ITPR1: variants seen among roughly 807,000 people sequenced by gnomAD.
ITPR1 encodes the protein inositol 1,4,5-trisphosphate receptor type 1, also known as inositol 1,4,5-trisphosphate-gated calcium channel ITPR1.
ITPR1 carries 96 observed loss-of-function variants against 318.4 expected under a neutral mutation model. The ratio of observed to expected loss-of-function variants is 0.30; its 90% confidence interval spans 0.26 to 0.36. The LOEUF (loss-of-function observed/expected upper bound fraction) is 0.36. Among genes scored for constraint, ITPR1 ranks in the 10% least tolerant of loss-of-function variants. The probability of loss-of-function intolerance (pLI) is 1.00; values close to 1 mark genes in which losing one functional copy is unlikely to be tolerated. For synonymous variants in ITPR1, 1,312 were observed against 1,289.9 expected (o/e 1.02, Z -0.37); for missense variants, 2,440 against 3,460.2 (o/e 0.71, Z 7.40).
At chr3:4,741,669 T>C (rs1247398570) in intron 44 of ITPR1, among the ~76,000 whole-genome samples, 1 of 152,134 alleles carries the variant, frequency 6.6e-6, no homozygotes, top group Non-Finnish European at 1.5e-5. Context: ...TTGGGCTATC[T>C]CTGACCCCAG....
intron 2 of ITPR1, among the ~76,000 whole-genome samples, chr3:4,510,544 G>A (rs967142153): frequency 1.3e-5 from 2 of 152,088 alleles, no homozygotes; most frequent in South Asian, 4.1e-4. Flanking sequence ...AATTGATGCT[G>A]GATTAGACTT....
chr3:4,798,151 C>A (rs922980245), intron 53 of ITPR1, among the ~76,000 whole-genome samples: 2 of 152,162 alleles, frequency 1.3e-5, no homozygotes, highest in African/African-American at 4.8e-5. Context: ...TGGCATTAAG[C>A]ATTTCAGAAA....
chr3:4,674,179 C>A, intron 21 of ITPR1, 23 bp from the exon 22 acceptor site: 1 of 1,526,934 alleles, frequency 6.5e-7, no homozygotes, highest in Non-Finnish European at 8.8e-7. Context: ...ATTTTGTTTC[C>A]TTTCTTTCTC....
intron 61 of ITPR1, among the ~76,000 whole-genome samples, chr3:4,838,027 G>T (rs1201864333): frequency 6.6e-6 from 1 of 152,142 alleles, no homozygotes; most frequent in Non-Finnish European, 1.5e-5. Context: ...AACTAATGAA[G>T]ACCGCATCTA....
chr3:4,692,849 A>T (rs1304463732), intron 32 of ITPR1, among the ~76,000 whole-genome samples: 1 of 152,208 alleles, frequency 6.6e-6, no homozygotes, highest in Non-Finnish European at 1.5e-5. Context: ...GGCAGGGCAC[A>T]TTGGCTCACA....
intron 4 of ITPR1, among the ~76,000 whole-genome samples, chr3:4,550,582 A>G (rs1224397599): frequency 2.6e-5 from 4 of 152,242 alleles, no homozygotes; most frequent in African/African-American, 7.2e-5. Context: ...GATTTCGTTC[A>G]TGGGACAAAT....
chr3:4,621,801 C>T (rs1397904700), intron 4 of ITPR1, among the ~76,000 whole-genome samples: 3 of 152,190 alleles, frequency 2.0e-5, no homozygotes, highest in Non-Finnish European at 2.9e-5. Flanking sequence ...GTGCTGTTCC[C>T]TCTGCCTGAG....
intron 4 of ITPR1, among the ~76,000 whole-genome samples, chr3:4,625,811 C>T (rs1033516547): frequency 6.6e-6 from 1 of 152,204 alleles, no homozygotes; most frequent in African/African-American, 2.4e-5. Flanking sequence ...CCTGCCTTGG[C>T]CTCCCAAAGT....
At chr3:4,793,400 T>A (rs2047696126) in intron 52 of ITPR1, among the ~76,000 whole-genome samples, 1 of 152,218 alleles carries the variant, frequency 6.6e-6, no homozygotes. Context: ...ATACACACAC[T>A]AGTGTGGAGA....
At chr3:4,784,083 C>G (rs1194683472) in intron 51 of ITPR1, among the ~76,000 whole-genome samples, 163 bp downstream of exon 51, 1 of 152,108 alleles carries the variant, frequency 6.6e-6, no homozygotes, top group African/African-American at 2.4e-5. Context: ...ATGGCCAAGA[C>G]AGTCATTATT....
At chr3:4,738,031 AG>A (rs1398865383) in intron 44 of ITPR1, among the ~76,000 whole-genome samples, 6 of 152,144 alleles carry the variant, frequency 3.9e-5, no homozygotes, top group Non-Finnish European at 8.8e-5. Flanking sequence ...GGACACTTAT[AG>A]GGGGAACGAC....
At chr3:4,801,639 C>T (rs2048237335) in intron 54 of ITPR1, among the ~76,000 whole-genome samples, 1 of 152,070 alleles carries the variant, frequency 6.6e-6, no homozygotes, top group Admixed American at 6.6e-5. Flanking sequence ...TAGCATGCGC[C>T]TATAATCCTA....
chr3:4,547,015 T>C (rs950179834), intron 4 of ITPR1, among the ~76,000 whole-genome samples: 1 of 152,162 alleles, frequency 6.6e-6, no homozygotes, highest in African/African-American at 2.4e-5. Flanking sequence ...GCTCTTGACC[T>C]GTCTGGGCCT....
intron 13 of ITPR1, among the ~76,000 whole-genome samples, chr3:4,659,673 G>A (rs2093791389): frequency 6.6e-6 from 1 of 151,254 alleles, no homozygotes; most frequent in South Asian, 2.1e-4. Flanking sequence ...GTGACAGAGT[G>A]AGACCCTGTC....
intron 35 of ITPR1, among the ~76,000 whole-genome samples, chr3:4,701,291 C>G (rs1210851992): frequency 6.6e-6 from 1 of 152,220 alleles, no homozygotes; most frequent in Non-Finnish European, 1.5e-5. Flanking sequence ...CGATAATGCA[C>G]TGCTTCCTTC....
Position 4,777,378 on chromosome 3 carries a change from A to C in ITPR1, c.6291+4A>C. 6.5e-7 allele frequency: 1 copy of C among 1,547,478 alleles called. No individual in the cohort carries two copies. Among genetic ancestry groups the C allele is most frequent in the South Asian group, 1.2e-5 (1 of 86,022 alleles). On this transcript the variant is annotated splice_donor_region_variant and intron_variant, in intron 48 of 61. Coordinates refer to ENST00000649015, the MANE Select transcript of ITPR1 (RefSeq NM_001378452.1). The stretch of plus-strand genomic sequence containing the variant: ...GGACCTTGTGTTAGAACTGAAGGCA[A>C]GTAGGAATTAAAAGCAGAAGACAGT...
At chr3:4,748,254 A>T (rs1278289774) in intron 44 of ITPR1, among the ~76,000 whole-genome samples, 1 of 152,188 alleles carries the variant, frequency 6.6e-6, no homozygotes, top group Non-Finnish European at 1.5e-5. Context: ...CATGAGTACA[A>T]TGTGAGGGAG....
chr3:4,785,572 C>G (rs200416439), intron 51 of ITPR1, among the ~76,000 whole-genome samples: 10 of 151,970 alleles, frequency 6.6e-5, no homozygotes, highest in Non-Finnish European at 1.2e-4. Context: ...GAGCAAATAT[C>G]TGATTTATCA....
chr3:4,746,851 C>A (rs988622858), intron 44 of ITPR1, among the ~76,000 whole-genome samples: 3 of 152,210 alleles, frequency 2.0e-5, no homozygotes, highest in Admixed American at 1.3e-4. Flanking sequence ...GGTTGTTTAT[C>A]TTCCCTCACC....
Sources: gnomAD v4.1 joint callset for allele counts (sites outside exome capture counted in the v4.1 genomes callset) on GRCh38, gnomAD v4.1.1 for gene constraint, MANE v1.5 for transcripts, NCBI Gene and HGNC (gene_info 2026-07-23, HGNC 2026-07-21) for gene names.